TTC3: variants seen among roughly 807,000 people sequenced by gnomAD.
TTC3 encodes the protein tetratricopeptide repeat domain 3.
TTC3 carries 180 observed loss-of-function variants against 249.6 expected under a neutral mutation model. That is an observed-to-expected ratio of 0.72 (90% confidence interval 0.64 to 0.82). TTC3 has a LOEUF of 0.82. Ranked by LOEUF, TTC3 falls within the 40% of genes least tolerant of loss-of-function variation. The pLI is 0.00. For synonymous variants in TTC3, 717 were observed against 805.0 expected, an observed-to-expected ratio of 0.89 and a Z score of 1.85; for missense variants, 2,061 against 2,398.4, an observed-to-expected ratio of 0.86 and a Z score of 2.94.
chr21:37,197,779 A>C, intron 43 of TTC3, 83 bp downstream of exon 43: 1 of 1,542,366 alleles, frequency 6.5e-7, no homozygotes, highest in Middle Eastern at 2.0e-4. Context: ...GCTTCAAACC[A>C]AAACCTAGAG....
intron 10 of TTC3, among the ~76,000 whole-genome samples, chr21:37,103,360 A>G (rs1352358416): frequency 2.0e-5 from 3 of 152,188 alleles, no homozygotes; most frequent in Admixed American, 2.0e-4. Flanking sequence ...CTTCAAGAGT[A>G]AATAACCGTT....
At chr21:37,088,322 G>T in exon 4 of TTC3, 4 of 1,612,768 alleles carry the variant, frequency 2.5e-6, no homozygotes, top group Non-Finnish European at 3.4e-6. Context: ...GTAATATCAC[G>T]ATTGCATCCC....
exon 33 of TTC3, chr21:37,166,300 A>G (rs200645925): frequency 9.9e-6 from 16 of 1,614,228 alleles, no homozygotes; most frequent in Middle Eastern, 3.3e-4. Flanking sequence ...ATCAGCTACC[A>G]AGATCAGTAC....
intron 5 of TTC3, 124 bp downstream of exon 5, chr21:37,089,010 C>T (rs117558139): frequency 0.011 from 8,924 of 818,976 alleles, 71 homozygotes; most frequent in Non-Finnish European, 0.015. Flanking sequence ...TTTGGTTAAC[C>T]TGAGATAAAT....
chr21:37,148,670 G>T, intron 23 of TTC3, 23 bp downstream of exon 23: 1 of 1,485,234 alleles, frequency 6.7e-7, no homozygotes, highest in South Asian at 1.3e-5. Flanking sequence ...AGGATTGTCT[G>T]AATTTTTCAG....
chr21:37,133,282 G>A (rs535382363), intron 17 of TTC3, among the ~76,000 whole-genome samples: 22 of 151,884 alleles, frequency 1.4e-4, no homozygotes, highest in African/African-American at 2.2e-4. Flanking sequence ...TTCTTTTTAC[G>A]TTACTTCATG....
chr21:37,163,807 C>T (rs190740044), intron 31 of TTC3, among the ~76,000 whole-genome samples: 1 of 152,246 alleles, frequency 6.6e-6, no homozygotes, highest in Non-Finnish European at 1.5e-5. Context: ...GAATTTTGCT[C>T]TTTGGAGCAA....
chr21:37,144,210 T>A (rs1342168559), intron 20 of TTC3, among the ~76,000 whole-genome samples: 2 of 151,762 alleles, frequency 1.3e-5, no homozygotes, highest in Admixed American at 6.6e-5. Flanking sequence ...ACCTGCACGT[T>A]GTGCACATGT....
intron 11 of TTC3, among the ~76,000 whole-genome samples, chr21:37,116,273 A>G (rs1327513152): frequency 6.6e-6 from 1 of 152,360 alleles, no homozygotes; most frequent in East Asian, 1.9e-4. Context: ...AGTCAATAAA[A>G]CATAGGCTGG....
At chr21:37,114,727 G>A (rs1199656714) in intron 11 of TTC3, among the ~76,000 whole-genome samples, 1 of 152,082 alleles carries the variant, frequency 6.6e-6, no homozygotes, top group African/African-American at 2.4e-5. Flanking sequence ...AAAGACACAT[G>A]CACACATATG....
At chr21:37,114,785 A>G (rs969976792) in intron 11 of TTC3, among the ~76,000 whole-genome samples, 7 of 152,210 alleles carry the variant, frequency 4.6e-5, no homozygotes, top group African/African-American at 1.7e-4. Flanking sequence ...ACCAACCCAC[A>G]TGTCCAACAA....
intron 8 of TTC3, among the ~76,000 whole-genome samples, chr21:37,094,921 G>T (rs940189158): frequency 1.3e-5 from 2 of 152,052 alleles, no homozygotes; most frequent in Non-Finnish European, 2.9e-5. Flanking sequence ...ATTGCTTGAG[G>T]TCAGAAGTTC....
At chr21:37,112,857 T>A (rs2075795408) in intron 11 of TTC3, among the ~76,000 whole-genome samples, 1 of 152,238 alleles carries the variant, frequency 6.6e-6, no homozygotes, top group African/African-American at 2.4e-5. Flanking sequence ...TCAAGTGGGC[T>A]TCATCCCTGG....
chr21:37,183,880 AG>A (rs2082983395), intron 36 of TTC3, among the ~76,000 whole-genome samples: 1 of 152,140 alleles, frequency 6.6e-6, no homozygotes. Context: ...AACAAGTCAT[AG>A]GCTTGGTCCA....
chr21:37,174,004 T>A (rs1237238621), intron 35 of TTC3, among the ~76,000 whole-genome samples: 1 of 152,232 alleles, frequency 6.6e-6, no homozygotes, highest in Non-Finnish European at 1.5e-5. Context: ...CATGTGGGAA[T>A]TCCTGTAGCT....
exon 33 of TTC3, chr21:37,165,843 C>T (rs1395494712): frequency 6.2e-7 from 1 of 1,614,166 alleles, no homozygotes. Context: ...CTGAATCCAG[C>T]TGCTAGGGAA....
chr21:37,078,638 A>T (rs1006782848), intron 1 of TTC3, among the ~76,000 whole-genome samples: 18 of 152,146 alleles, frequency 1.2e-4, no homozygotes, highest in Admixed American at 1.1e-3. Flanking sequence ...ATGAATTTTT[A>T]AAAATATTGA....
At chr21:37,130,011 T>A (rs1002216116) in intron 16 of TTC3, among the ~76,000 whole-genome samples, 1 of 152,214 alleles carries the variant, frequency 6.6e-6, no homozygotes, top group African/African-American at 2.4e-5. Context: ...ATTGTAAATC[T>A]TTTAATACAG....
At chr21:37,132,622 C>G in intron 16 of TTC3, 60 bp from the exon 17 acceptor site, 12 of 1,392,444 alleles carry the variant, frequency 8.6e-6, no homozygotes, top group Non-Finnish European at 1.2e-5. Context: ...CCTATTTTTT[C>G]TTTATATGAG....
Sources: gnomAD v4.1 joint callset for allele counts (sites outside exome capture counted in the v4.1 genomes callset) on GRCh38, gnomAD v4.1.1 for gene constraint, MANE v1.5 for transcripts, NCBI Gene and HGNC (gene_info 2026-07-23, HGNC 2026-07-21) for gene names.